MPP2: variants seen among roughly 807,000 people sequenced by gnomAD.
MPP2 encodes the protein MAGUK p55 subfamily member 2.
A neutral mutation model predicts 58.5 loss-of-function variants in MPP2; 42 were observed. That is an observed-to-expected ratio of 0.72 (90% CI 0.56 to 0.93). MPP2 has a LOEUF of 0.93. Ranked by LOEUF, MPP2 falls within the 40% of genes least tolerant of loss-of-function variation. MPP2 has a pLI of 0.00. For synonymous variants in MPP2, 300 were observed against 307.8 expected (o/e 0.97, Z 0.26); for missense variants, 632 against 760.4 (o/e 0.83, Z 1.99).
chr17:43,898,840 C>A (rs1168049577), intron 2 of MPP2, among the ~76,000 whole-genome samples: 2 of 152,220 alleles, frequency 1.3e-5, no homozygotes, highest in African/African-American at 2.4e-5. Context: ...TGGTGTAGGT[C>A]TGTAATTCTA....
At chr17:43,881,803 C>T (rs900932131) in intron 6 of MPP2, among the ~76,000 whole-genome samples, 2 of 152,108 alleles carry the variant, frequency 1.3e-5, no homozygotes, top group Non-Finnish European at 2.9e-5. Flanking sequence ...ACCAAGGATG[C>T]GGGACCACCA....
chr17:43,886,394 C>T lies in MPP2; in HGVS notation c.151-3039G>A, dbSNP rs151040752. On this transcript the variant is annotated intron_variant, in intron 3 of 12. Transcript: ENST00000269095. ...CTGCCTCCCAGGTTGGGATTACAGG[C>T]ATGAACCACCATGCCCATCTTATTA... Among the ~76,000 whole-genome samples the T allele has an allele frequency of 5.0e-3, 758 of 152,126 alleles. 7 individuals carry two copies. Among genetic ancestry groups the T allele is most frequent in the African/African-American group, 0.017 (715 of 41,510 alleles).
upstream of MPP2, chr17:43,907,873 A>C: frequency 2.0e-6 from 2 of 985,466 alleles, no homozygotes; most frequent in Non-Finnish European, 2.4e-6. Context: ...ATCTTGGCTT[A>C]GACCGGCGTT....
In MPP2 at chr17:43,883,054, T is replaced by C. The variant is rs1555607585; in HGVS notation, c.304-2A>G. The stretch of plus-strand genomic sequence containing the variant: ...AGAGTCGTGCGTCTCCAGGAGGGAC[T>C]GGGGGGTGGTGGGAAGAGAAGGGAC... On this transcript the variant is annotated splice_acceptor_variant, in intron 4 of 12. Coordinates refer to ENST00000269095, the MANE Select transcript of MPP2 (RefSeq NM_005374.5). LOFTEE classifies it high-confidence loss of function. The C allele has an allele frequency of 2.5e-6, 4 of 1,609,274 alleles. No individual in the cohort carries two copies. The highest frequency in any genetic ancestry group is 3.4e-6 in the Non-Finnish European group (4 of 1,177,766).
intron 2 of MPP2, among the ~76,000 whole-genome samples, chr17:43,902,639 A>G (rs908027597): frequency 6.6e-6 from 1 of 151,284 alleles, no homozygotes; most frequent in East Asian, 1.9e-4. Flanking sequence ...GCCCTGGCTC[A>G]CTCCCTTCAC....
chr17:43,904,510 G>C lies in MPP2; in HGVS notation c.-33-17C>G. On this transcript the variant is annotated splice_polypyrimidine_tract_variant and intron_variant, in intron 1 of 12. Transcript: ENST00000269095. ...ACGTCTCTCCTGGAGAGGGGAGAGA[G>C]GAGGATGAGCAGATACAAGGGCAAA... 1 of 1,612,084 alleles carries C rather than the reference G, an allele frequency of 6.2e-7. No individual in the cohort carries two copies. The highest frequency in any genetic ancestry group is 8.5e-7 in the Non-Finnish European group (1 of 1,178,354).
chr17:43,907,680 C>T (rs2048347915), upstream of MPP2: 9 of 985,546 alleles, frequency 9.1e-6, no homozygotes, highest in African/African-American at 1.7e-5. Context: ...GGTACGGGGG[C>T]AGCCAGGTAG....
At chr17:43,892,064 G>A (rs565660668) in intron 3 of MPP2, among the ~76,000 whole-genome samples, 13 of 152,184 alleles carry the variant, frequency 8.5e-5, no homozygotes, top group South Asian at 2.1e-4. Context: ...TGCCAGGGCC[G>A]CCACTTGCTG....
chr17:43,879,295 T>C lies in MPP2; in HGVS notation c.1462A>G (p.Ile488Val), dbSNP rs2143516079. 2 of 1,613,488 alleles carry C rather than the reference T, an allele frequency of 1.2e-6. No individual in the cohort carries two copies. The highest frequency in any genetic ancestry group is 1.7e-6 in the Non-Finnish European group (2 of 1,179,504). The change falls in exon 12 of 13, where the codon ATA becomes GTA. Residue 488 changes from isoleucine to valine, a missense_variant. Transcript: ENST00000269095. This position sits in a 1 kb window ranked among gnomAD's most constrained non-coding sequence, Gnocchi z 4.1. ...CTCACCGTGAGCTGCTTGGTGGATA[T>C]TCCACTCTCCAGCGCAGCCCTGTTC... ...AMNRAALESG[I>V]STKQLTEADL...
At position 43,883,359 on chromosome 17, in the gene MPP2, G is replaced by A. The variant is rs533439944; in HGVS notation, c.151-4C>T. 2.5e-6 allele frequency: 4 copies of A among 1,609,920 alleles called. No homozygotes were observed. The African/African-American group carries it at 5.3e-5, about 21-fold the overall frequency. ...TCTCCTCCAGCCTCTCATGGGCCTGGGGGTGGAAGCAGAACAGGTGGGGCT... is the reference window on the plus strand; with the variant it reads ...TCTCCTCCAGCCTCTCATGGGCCTGAGGGTGGAAGCAGAACAGGTGGGGCT... On this transcript the variant is annotated splice_polypyrimidine_tract_variant and splice_region_variant and intron_variant, in intron 3 of 12. Coordinates refer to ENST00000269095, the MANE Select transcript of MPP2 (RefSeq NM_005374.5).
At chr17:43,900,659 C>G in intron 2 of MPP2, 1 of 1,423,594 alleles carries the variant, frequency 7.0e-7, no homozygotes, top group Non-Finnish European at 9.2e-7. Flanking sequence ...CGAGGAGCGC[C>G]CTCTGAGGAA....
chr17:43,901,031 C>T (rs536205939), intron 2 of MPP2, among the ~76,000 whole-genome samples: 1 of 152,254 alleles, frequency 6.6e-6, no homozygotes, highest in East Asian at 1.9e-4. Context: ...ATGCCACCTC[C>T]TCCCTATGCC....
rs902830319 is a variant in MPP2, at chr17:43,875,910, T to G, written c.*1897A>C. ...CCCAGAGAAGGTAGGAAATGGCAAGTGACCCTATAGCCTCAGGTCAGCAAG... is the reference window on the plus strand; with the variant it reads ...CCCAGAGAAGGTAGGAAATGGCAAGGGACCCTATAGCCTCAGGTCAGCAAG... On this transcript the variant is annotated 3_prime_UTR_variant, in exon 13 of 13. Transcript: ENST00000269095. The G allele has an allele frequency of 1.3e-5, 2 of 152,220 alleles. No individual in the cohort carries two copies. The highest frequency in any genetic ancestry group is 4.8e-5 in the African/African-American group (2 of 41,436). The allele number at this position is 152,220 out of a possible 1,614,324, so 9.4% of individuals were successfully genotyped here.
intron 2 of MPP2, among the ~76,000 whole-genome samples, chr17:43,903,072 G>A (rs1332975486): frequency 6.6e-6 from 1 of 152,078 alleles, no homozygotes; most frequent in Non-Finnish European, 1.5e-5. Flanking sequence ...GATCACCTGA[G>A]GTCAGGACAG....
intron 3 of MPP2, among the ~76,000 whole-genome samples, chr17:43,889,804 C>CATTT (rs2047522956): frequency 1.1e-5 from 1 of 93,614 alleles, no homozygotes; most frequent in African/African-American, 5.3e-5. Context: ...TGTCCAAATG[C>CATTT]GTTTTTTTTT....
chr17:43,893,557 G>A (rs1012538385), intron 3 of MPP2, among the ~76,000 whole-genome samples: 14 of 152,204 alleles, frequency 9.2e-5, no homozygotes, highest in Non-Finnish European at 1.8e-4. Flanking sequence ...GGCCTGTTAG[G>A]AAGTAGGTGA....
At position 43,879,024 on chromosome 17, in the gene MPP2, C is replaced by T. The variant is rs59779809; in HGVS notation, c.1482+251G>A. 3.3e-4 allele frequency among the ~76,000 whole-genome samples: 51 copies of T among 152,296 alleles called. 1 individual carries two copies. The East Asian group carries it at 9.9e-3, about 30-fold the overall frequency. ...TCTGTCTCTGCAGAGTGGGCTGAGCCGGGGGCCTTGAGTCAGAAGCACATG... is the reference window on the plus strand; with the variant it reads ...TCTGTCTCTGCAGAGTGGGCTGAGCTGGGGGCCTTGAGTCAGAAGCACATG... On this transcript the variant is annotated intron_variant, in intron 12 of 12. Coordinates refer to ENST00000269095, the MANE Select transcript of MPP2 (RefSeq NM_005374.5). The surrounding 1 kb of genome is among the most constrained non-coding windows in gnomAD (Gnocchi z 4.1).
At chr17:43,896,603 C>T (rs539532460) in intron 3 of MPP2, among the ~76,000 whole-genome samples, 11 of 152,194 alleles carry the variant, frequency 7.2e-5, no homozygotes, top group Non-Finnish European at 1.0e-4. Context: ...TCCCTGCATC[C>T]GACTTCCACA....
chr17:43,885,379 C>T (rs2047324530), intron 3 of MPP2, among the ~76,000 whole-genome samples: 1 of 152,180 alleles, frequency 6.6e-6, no homozygotes, highest in South Asian at 2.1e-4. Flanking sequence ...TCATCTGATG[C>T]ATTCCCTACC....
Sources: gnomAD v4.1 joint callset for allele counts (sites outside exome capture counted in the v4.1 genomes callset) on GRCh38, gnomAD v4.1.1 for gene constraint, Gnocchi (gnomAD v3.1) non-coding constraint, MANE v1.5 for transcripts, NCBI Gene and HGNC (gene_info 2026-07-23, HGNC 2026-07-21) for gene names.